Variants in MLIP observed in about 807,000 individuals in gnomAD.
MLIP encodes the protein muscular LMNA interacting protein.
Under a neutral mutation model 84.8 loss-of-function variants are expected in MLIP, and 79 were observed. The ratio of observed to expected loss-of-function variants is 0.93; its 90% CI spans 0.78 to 1.12. The LOEUF is 1.12. Ranked by LOEUF, MLIP falls within the 50% of genes most tolerant of loss-of-function variation. The pLI is 0.00. For synonymous variants in MLIP, 504 were observed against 463.0 expected (o/e 1.09, Z -1.14); for missense variants, 1,257 against 1,160.6 (o/e 1.08, Z -1.21).
intron 1 of MLIP, among the ~76,000 whole-genome samples, chr6:54,101,021 A>C (rs1459402362): frequency 3.3e-5 from 5 of 152,200 alleles, no homozygotes; most frequent in African/African-American, 1.2e-4. Context: ...CATTCAAAAC[A>C]ACACTTTGGT....
intron 9 of MLIP, among the ~76,000 whole-genome samples, chr6:54,169,981 T>C (rs1332929751): frequency 6.6e-6 from 1 of 151,774 alleles, no homozygotes; most frequent in African/African-American, 2.4e-5. Context: ...CTTTTGTTGC[T>C]TTCCTTCATT....
In MLIP at chr6:54,149,092, G is replaced by A. The variant is rs146750385; in HGVS notation, c.2254G>A (p.Ala752Thr). ...KTKSSYKAFA[A>T]IPTNTLLLEQ... is the part of the protein sequence containing the mutation. ...CAAGTCAAGCTACAAGGCTTTTGCAGCAATCCCTACAAACACATTGCTTTT... is the reference window on the plus strand; with the variant it reads ...CAAGTCAAGCTACAAGGCTTTTGCAACAATCCCTACAAACACATTGCTTTT... Residue 752 changes from alanine (A) to threonine (T), a missense_variant, in exon 5 of 14, where the codon GCA becomes ACA. Ala to Thr is a moderately conservative substitution (Grantham distance 58, BLOSUM62 0). Transcript: ENST00000502396. 1.4e-5 allele frequency: 23 copies of A among 1,612,838 alleles called. No homozygotes were observed. The African/African-American group carries it at 2.9e-4, about 21-fold the overall frequency.
chr6:54,027,511 C>T (rs563360414), intron 1 of MLIP, among the ~76,000 whole-genome samples: 3 of 152,186 alleles, frequency 2.0e-5, no homozygotes, highest in Admixed American at 6.5e-5. Flanking sequence ...CTCCCTGCAA[C>T]GTACCTGACA....
At chr6:54,217,428 G>C (rs1052610175) in intron 11 of MLIP, 37 of 985,246 alleles carry the variant, frequency 3.8e-5, no homozygotes, top group Non-Finnish European at 4.3e-5. Context: ...GCTTTTTCTA[G>C]AGCACCAAAT....
chr6:54,179,837 A>G (rs1344670911), intron 9 of MLIP, among the ~76,000 whole-genome samples: 2 of 152,142 alleles, frequency 1.3e-5, no homozygotes, highest in African/African-American at 4.8e-5. Context: ...TTTACATACC[A>G]CAATTACAGT....
chr6:54,147,496 C>T (rs559386539), intron 4 of MLIP, among the ~76,000 whole-genome samples: 27 of 152,176 alleles, frequency 1.8e-4, no homozygotes, highest in Non-Finnish European at 2.1e-4. Flanking sequence ...TAGCAATTGC[C>T]GCTCATGTAG....
At chr6:54,121,942 G>T (rs1770492944) in intron 2 of MLIP, among the ~76,000 whole-genome samples, 1 of 152,066 alleles carries the variant, frequency 6.6e-6, no homozygotes, top group Non-Finnish European at 1.5e-5. Context: ...AGACAAAACA[G>T]TGAGATATTA....
intron 11 of MLIP, among the ~76,000 whole-genome samples, chr6:54,203,403 G>A (rs1432498394): frequency 2.6e-5 from 4 of 151,356 alleles, no homozygotes; most frequent in Non-Finnish European, 4.4e-5. Flanking sequence ...AGGAATATAA[G>A]GTGTTATGCT....
intron 11 of MLIP, among the ~76,000 whole-genome samples, chr6:54,214,047 A>G (rs73741469): frequency 0.031 from 4,792 of 152,266 alleles, 227 homozygotes; most frequent in African/African-American, 0.11. Flanking sequence ...TCACAAATCC[A>G]CAGGCAGCAG....
chr6:54,118,754 G>A (rs1770174604), intron 1 of MLIP, among the ~76,000 whole-genome samples: 1 of 152,040 alleles, frequency 6.6e-6, no homozygotes, highest in Non-Finnish European at 1.5e-5. Flanking sequence ...GAAAATATTT[G>A]TAAATTATAC....
intron 1 of MLIP, among the ~76,000 whole-genome samples, chr6:54,031,942 A>G (rs1764165779): frequency 6.6e-6 from 1 of 152,144 alleles, no homozygotes; most frequent in African/African-American, 2.4e-5. Flanking sequence ...TTGGTGGCAG[A>G]ATTGCAGATT....
intron 1 of MLIP, chr6:54,083,598 C>A: frequency 1.3e-6 from 2 of 1,535,992 alleles, no homozygotes; most frequent in Non-Finnish European, 1.7e-6. Context: ...GCAGCTGGTA[C>A]CTTGGATTTG....
rs816367 is a variant in MLIP at position 54,130,744 on chromosome 6, G to T, written c.645+5879G>T. On this transcript the variant is annotated intron_variant, in intron 3 of 13. Transcript: ENST00000502396. Reference sequence around the variant, plus strand: ...TAAGTCAGCCTGGAGCATCAGAAAGGGTTCACAGAGGCAGTGTTGCTGAAA... The same window carrying T: ...TAAGTCAGCCTGGAGCATCAGAAAGTGTTCACAGAGGCAGTGTTGCTGAAA... Among the ~76,000 whole-genome samples, 9 of 152,030 alleles carry T rather than the reference G, an allele frequency of 5.9e-5. No individual in the cohort carries two copies. In the East Asian group the frequency reaches 1.7e-3, roughly 29 times the overall value.
At chr6:54,156,198 A>T (rs1233139797) in intron 5 of MLIP, among the ~76,000 whole-genome samples, 1 of 152,104 alleles carries the variant, frequency 6.6e-6, no homozygotes, top group Admixed American at 6.6e-5. Flanking sequence ...TATCACAATG[A>T]TACATCTGAC....
At chr6:54,216,357 G>C in intron 11 of MLIP, 1 of 985,240 alleles carries the variant, frequency 1.0e-6, no homozygotes, top group Non-Finnish European at 1.2e-6. Context: ...ACCTCCACAT[G>C]GGAAATAAAA....
chr6:54,162,659 A>C (rs1774769578), intron 8 of MLIP, among the ~76,000 whole-genome samples: 1 of 151,948 alleles, frequency 6.6e-6, no homozygotes, highest in African/African-American at 2.4e-5. Flanking sequence ...TGAAGGAGAG[A>C]GAATACTGCA....
At chr6:54,052,237 A>G (rs1377376238) in intron 1 of MLIP, among the ~76,000 whole-genome samples, 3 of 152,190 alleles carry the variant, frequency 2.0e-5, no homozygotes, top group African/African-American at 2.4e-5. Context: ...TCTTAGGCTC[A>G]GATGAACATC....
Position 54,138,148 on chromosome 6 carries a change from G to A in MLIP, c.2079G>A (p.Gly693=). ...CGSGTLPSRL[G]KSESTTPNHR... is the part of the protein sequence containing the mutation. ...GTGGTACCTTGCCTTCAAGACTTGGGAAATCTGAAAGCACCACCCCCAACC... is the reference window on the plus strand; with the variant it reads ...GTGGTACCTTGCCTTCAAGACTTGGAAAATCTGAAAGCACCACCCCCAACC... The change falls in exon 4 of 14, where the codon GGG becomes GGA. Residue 693 remains glycine (G), a synonymous_variant. Coordinates refer to ENST00000502396, the MANE Select transcript of MLIP (RefSeq NM_001281747.2). 1 of 1,536,062 alleles carries A rather than the reference G, an allele frequency of 6.5e-7. No individual in the cohort carries two copies. The highest frequency in any genetic ancestry group is 8.7e-7 in the Non-Finnish European group (1 of 1,146,876).
At chr6:54,092,444 C>G (rs946744083) in intron 1 of MLIP, among the ~76,000 whole-genome samples, 15 of 152,080 alleles carry the variant, frequency 9.9e-5, no homozygotes, top group African/African-American at 3.6e-4. Flanking sequence ...CTATTAACAT[C>G]TTATTTAATA....
Sources: allele counts gnomAD v4.1 joint callset (sites outside exome capture counted in the v4.1 genomes callset), GRCh38; gene constraint gnomAD v4.1.1; transcripts MANE v1.5; gene names NCBI Gene and HGNC (gene_info 2026-07-23, HGNC 2026-07-21).